TCF7L1: variants seen among roughly 807,000 people sequenced by gnomAD.
TCF7L1 encodes transcription factor 7-like 1.
TCF7L1 carries 18 observed loss-of-function variants against 63.7 expected under a neutral mutation model. The observed-to-expected ratio is 0.28, with a 90% CI of 0.20 to 0.42. The LOEUF (loss-of-function observed/expected upper bound fraction) is 0.42. Among genes scored for constraint, TCF7L1 ranks in the 10% least tolerant of loss-of-function variants. TCF7L1 has a pLI of 1.00. For synonymous variants in TCF7L1, 355 were observed against 340.9 expected, an observed-to-expected ratio of 1.04 and a Z score of -0.46; for missense variants, 654 against 779.3, an observed-to-expected ratio of 0.84 and a Z score of 1.91.
At chr2:85,139,131 C>T (rs980235177) in intron 3 of TCF7L1, among the ~76,000 whole-genome samples, 1 of 152,118 alleles carries the variant, frequency 6.6e-6, no homozygotes, top group Non-Finnish European at 1.5e-5. Flanking sequence ...GCCTCAGCCT[C>T]CTGAGTAGCT....
At chr2:85,266,789 A>T (rs951826908) in intron 3 of TCF7L1, among the ~76,000 whole-genome samples, 1 of 152,230 alleles carries the variant, frequency 6.6e-6, no homozygotes, top group Non-Finnish European at 1.5e-5. Context: ...TGATTTGCTT[A>T]CATTAGTATT....
At chr2:85,307,511 C>G in intron 10 of TCF7L1, 131 bp from the exon 11 acceptor site, 2 of 696,198 alleles carry the variant, frequency 2.9e-6, no homozygotes, top group Non-Finnish European at 5.0e-6. Flanking sequence ...TCTGAATTAT[C>G]TCTCCACACT....
chr2:85,156,839 G>T (rs1283070462), intron 3 of TCF7L1, among the ~76,000 whole-genome samples: 6 of 152,212 alleles, frequency 3.9e-5, no homozygotes, highest in African/African-American at 1.4e-4. Context: ...CAGCATTGCT[G>T]CCCAGGAGAC....
chr2:85,214,939 A>G (rs1201848279), intron 3 of TCF7L1, among the ~76,000 whole-genome samples: 1 of 152,074 alleles, frequency 6.6e-6, no homozygotes, highest in Non-Finnish European at 1.5e-5. Flanking sequence ...GGTGCTAAAA[A>G]CCTGATTTGG....
intron 3 of TCF7L1, among the ~76,000 whole-genome samples, chr2:85,243,489 C>T (rs930548590): frequency 7.4e-5 from 11 of 148,162 alleles, no homozygotes; most frequent in East Asian, 3.9e-4. Flanking sequence ...ACATGCCCAG[C>T]GACTCCACGT....
chr2:85,161,811 G>A (rs931549962), intron 3 of TCF7L1, among the ~76,000 whole-genome samples: 1 of 152,210 alleles, frequency 6.6e-6, no homozygotes, highest in African/African-American at 2.4e-5. Flanking sequence ...CTGAGAGCAG[G>A]AGCCAGGGCT....
chr2:85,237,609 C>T lies in TCF7L1; in HGVS notation c.442-45886C>T, dbSNP rs753153207. On this transcript the variant is annotated intron_variant, in intron 3 of 11. Transcript: ENST00000282111. Reference sequence around the variant, plus strand: ...GAGATTGGGTTGGGGGCAGTGTTCCCTCTGCCCCAAGTTGTGGGGAGCCAG... The same window carrying T: ...GAGATTGGGTTGGGGGCAGTGTTCCTTCTGCCCCAAGTTGTGGGGAGCCAG... Among the ~76,000 whole-genome samples the T allele has an allele frequency of 2.0e-5, 3 of 151,924 alleles. 1 individual carries two copies. Among genetic ancestry groups the T allele is most frequent in the Non-Finnish European group, 4.4e-5 (3 of 67,980 alleles).
chr2:85,167,258 G>C (rs944024589), intron 3 of TCF7L1: 1 of 152,636 alleles, frequency 6.6e-6, no homozygotes, highest in Non-Finnish European at 1.5e-5. Flanking sequence ...GGGGTAAGGG[G>C]CTAGCACATG....
At chr2:85,229,944 G>A (rs372782557) in intron 3 of TCF7L1, among the ~76,000 whole-genome samples, 1 of 152,170 alleles carries the variant, frequency 6.6e-6, no homozygotes, top group East Asian at 1.9e-4. Flanking sequence ...GGAGGTCAAG[G>A]CTGCAATGAG....
chr2:85,238,818 TTTATTTA>T (rs1680254941), intron 3 of TCF7L1, among the ~76,000 whole-genome samples: 1 of 134,360 alleles, frequency 7.4e-6, no homozygotes, highest in African/African-American at 3.3e-5. Context: ...TATTTATTTA[TTTATTTA>T]TTTATTTTTC....
At chr2:85,268,095 T>C (rs1375183658) in intron 3 of TCF7L1, among the ~76,000 whole-genome samples, 1 of 152,200 alleles carries the variant, frequency 6.6e-6, no homozygotes, top group South Asian at 2.1e-4. Flanking sequence ...GAAGCAGATA[T>C]GATATTGGTA....
chr2:85,211,496 T>G (rs1203803942), intron 3 of TCF7L1, among the ~76,000 whole-genome samples: 6 of 152,208 alleles, frequency 3.9e-5, no homozygotes, highest in African/African-American at 1.4e-4. Context: ...GGGATCTCCA[T>G]GAAGGTAAGT....
intron 3 of TCF7L1, among the ~76,000 whole-genome samples, chr2:85,265,426 C>G (rs919708281): frequency 3.9e-5 from 6 of 152,222 alleles, no homozygotes; most frequent in African/African-American, 1.2e-4. Flanking sequence ...AACTAGCAGA[C>G]TGGGTTGTCT....
chr2:85,291,671 C>T (rs1338178032), intron 4 of TCF7L1, among the ~76,000 whole-genome samples: 1 of 152,170 alleles, frequency 6.6e-6, no homozygotes, highest in Non-Finnish European at 1.5e-5. Context: ...ACCTCCACCT[C>T]CTGGGTTCAA....
At chr2:85,154,449 G>A (rs1035061336) in intron 3 of TCF7L1, among the ~76,000 whole-genome samples, 2 of 152,184 alleles carry the variant, frequency 1.3e-5, no homozygotes, top group African/African-American at 4.8e-5. Flanking sequence ...TAACATGCCA[G>A]TGAATCTCAC....
At chr2:85,292,217 T>TGAG (rs1681742766) in intron 4 of TCF7L1, among the ~76,000 whole-genome samples, 1 of 21,256 alleles carries the variant, frequency 4.7e-5, no homozygotes, top group Non-Finnish European at 6.5e-5. Context: ...AGACGGGGTT[T>TGAG]CACCGTTTTA....
chr2:85,150,707 T>C (rs1017846973), intron 3 of TCF7L1, among the ~76,000 whole-genome samples: 4 of 152,132 alleles, frequency 2.6e-5, no homozygotes, highest in African/African-American at 9.7e-5. Context: ...CCATTATAGG[T>C]GATACTAATT....
chr2:85,154,479 A>T (rs1019313495), intron 3 of TCF7L1, among the ~76,000 whole-genome samples: 47 of 152,130 alleles, frequency 3.1e-4, no homozygotes, highest in African/African-American at 1.1e-3. Flanking sequence ...TGTATTATGC[A>T]GGATTCCTTG....
chr2:85,250,506 G>A (rs561633072), intron 3 of TCF7L1, among the ~76,000 whole-genome samples: 2 of 151,634 alleles, frequency 1.3e-5, no homozygotes, highest in South Asian at 2.1e-4. Context: ...GTGCTATCTC[G>A]GCTCACTGCA....
Sources: gnomAD v4.1 joint callset for allele counts (sites outside exome capture counted in the v4.1 genomes callset) on GRCh38, gnomAD v4.1.1 for gene constraint, MANE v1.5 for transcripts, NCBI Gene and HGNC (gene_info 2026-07-23, HGNC 2026-07-21) for gene names.